NMD3: variants seen among roughly 807,000 people sequenced by gnomAD.
NMD3 encodes the protein NMD3 ribosome export adaptor, also known as 60S ribosomal export protein NMD3.
Under a neutral mutation model 73.1 loss-of-function variants are expected in NMD3, and 47 were observed. That is an observed-to-expected ratio of 0.64 (90% confidence interval 0.51 to 0.82). The LOEUF (loss-of-function observed/expected upper bound fraction) is 0.82, where lower values mean the gene tolerates loss of function less well. Ranked by LOEUF, NMD3 falls within the 40% of genes least tolerant of loss-of-function variation. NMD3 has a pLI of 0.00. For missense variants in NMD3, 554 were observed against 612.5 expected (o/e 0.90, Z 1.01); for synonymous variants, 210 against 194.5 (o/e 1.08, Z -0.66).
intron 2 of NMD3, among the ~76,000 whole-genome samples, chr3:161,223,861 A>T (rs1295584969): frequency 6.6e-6 from 1 of 152,230 alleles, no homozygotes; most frequent in Non-Finnish European, 1.5e-5. Flanking sequence ...AACAAGGGAT[A>T]ATGAATAACA....
intron 4 of NMD3, among the ~76,000 whole-genome samples, chr3:161,233,138 G>A (rs1286249709): frequency 6.7e-6 from 1 of 149,598 alleles, no homozygotes; most frequent in South Asian, 2.1e-4. Context: ...TAAGGGAAAA[G>A]AATTTTTTTC....
chr3:161,252,884 A>G (rs1346364442), downstream of NMD3: 2 of 643,652 alleles, frequency 3.1e-6, no homozygotes, highest in South Asian at 3.4e-5. Context: ...AGATCACTTC[A>G]GGCCAGGAGT....
rs745433033 is a variant in NMD3, at chr3:161,249,497, G to A, written c.1247G>A (p.Arg416His). The change falls in exon 14 of 16, where the codon CGT becomes CAT. Residue 416 changes from arginine (R) to histidine (H), a missense_variant. Transcript: ENST00000351193. ...KSYDRTKRQRRRNWKLKELAR... is the reference protein window; with the variant it reads ...KSYDRTKRQRHRNWKLKELAR... ...TATGACCGGACCAAACGTCAGCGTC[G>A]TAGAAACTGGAAATTGAAAGAGCTT... The A allele has an allele frequency of 2.4e-5, 38 of 1,612,442 alleles. No individual in the cohort carries two copies. Among genetic ancestry groups the A allele is most frequent in the African/African-American group, 6.7e-5 (5 of 74,736 alleles).
chr3:161,222,184 G>A (rs2108070962), intron 2 of NMD3, 127 bp downstream of exon 2: 2 of 754,524 alleles, frequency 2.7e-6, no homozygotes, highest in Non-Finnish European at 4.6e-6. Context: ...GGAAAAAATA[G>A]AAGTCTTATT....
intron 11 of NMD3, among the ~76,000 whole-genome samples, chr3:161,245,986 G>T (rs1463005413): frequency 2.0e-5 from 3 of 152,002 alleles, no homozygotes; most frequent in Admixed American, 2.0e-4. Flanking sequence ...TACCTTTTCA[G>T]TTATTTTGTT....
At chr3:161,224,702 G>C (rs1298093859) in intron 2 of NMD3, among the ~76,000 whole-genome samples, 1 of 151,772 alleles carries the variant, frequency 6.6e-6, no homozygotes. Flanking sequence ...GGCGAGGCTG[G>C]TCTTGAACTC....
At chr3:161,245,831 C>G (rs1438472435) in intron 11 of NMD3, among the ~76,000 whole-genome samples, 1 of 151,916 alleles carries the variant, frequency 6.6e-6, no homozygotes, top group Non-Finnish European at 1.5e-5. Flanking sequence ...CTAGTAGATA[C>G]TTTAAAAATT....
At chr3:161,222,185 A>G in intron 2 of NMD3, 128 bp downstream of exon 2, 1 of 751,896 alleles carries the variant, frequency 1.3e-6, no homozygotes, top group Non-Finnish European at 2.3e-6. Flanking sequence ...GAAAAAATAG[A>G]AGTCTTATTT....
chr3:161,248,776 A>G (rs1392796427), intron 13 of NMD3, among the ~76,000 whole-genome samples: 37 of 152,192 alleles, frequency 2.4e-4, no homozygotes, highest in Admixed American at 2.3e-3. Context: ...CCTGTCTTCT[A>G]TACTTGCTTA....
Position 161,233,486 on chromosome 3 carries a change from A to AGCT in NMD3, c.357+8_357+9insCTG. On this transcript the variant is annotated splice_region_variant and intron_variant, in intron 5 of 15. Transcript: ENST00000351193. ...ACTGACTATTCAGAAAGAGGTAAGC[A>AGCT]GTACATAATTTTCTCAGCATGGTTA... The AGCT allele has an allele frequency of 6.4e-7, 1 of 1,565,676 alleles. No individual in the cohort carries two copies. The highest frequency in any genetic ancestry group is 1.7e-5 in the Admixed American group (1 of 58,204).
chr3:161,233,453 A>G lies in NMD3; in HGVS notation c.331A>G (p.Lys111Glu), dbSNP rs1736620418. Residue 111 changes from lysine (K) to glutamate (E), a missense_variant, in exon 5 of 16, where the codon AAA becomes GAA. Coordinates refer to ENST00000351193, the MANE Select transcript of NMD3 (RefSeq NM_015938.5). The stretch of plus-strand genomic sequence containing the variant: ...GACTGAGCCTCATTCTAAGAGACTT[A>G]AAGTTAAACTGACTATTCAGAAAGA... ...VWTEPHSKRLKVKLTIQKEVM... is the reference protein window; with the variant it reads ...VWTEPHSKRLEVKLTIQKEVM... The G allele has an allele frequency of 1.9e-6, 3 of 1,607,338 alleles. No individual in the cohort carries two copies. Among genetic ancestry groups the G allele is most frequent in the Admixed American group, 3.4e-5 (2 of 59,590 alleles).
intron 11 of NMD3, among the ~76,000 whole-genome samples, chr3:161,244,460 AT>A (rs1737112559): frequency 6.6e-6 from 1 of 152,108 alleles, no homozygotes; most frequent in Non-Finnish European, 1.5e-5. Context: ...TTTAGCAAAT[AT>A]TTTTAGAGTA....
At chr3:161,244,266 A>G (rs551156402) in intron 11 of NMD3, among the ~76,000 whole-genome samples, 105 of 152,184 alleles carry the variant, frequency 6.9e-4, no homozygotes, top group Non-Finnish European at 1.3e-3. Flanking sequence ...AGTAGCTGGG[A>G]CCACAAGTAT....
intron 4 of NMD3, 94 bp downstream of exon 4, chr3:161,227,437 ATTTTT>A (rs55825529): frequency 7.4e-4 from 268 of 360,182 alleles, no homozygotes; most frequent in East Asian, 9.5e-4. Context: ...TTCAAAAGGA[ATTTTT>A]TTTTTTTTTT....
chr3:161,238,841 C>CGA lies in NMD3; in HGVS notation c.753+15_753+16insGA. 1 of 1,199,556 alleles carries CGA rather than the reference C, an allele frequency of 8.3e-7. No homozygotes were observed. The allele number at this position is 1,199,556 out of a possible 1,614,324, so 74.3% of individuals were successfully genotyped here. A position where few individuals can be genotyped will look rare whatever the true frequency, so the allele number is the denominator to read the frequency against. On this transcript the variant is annotated intron_variant, in intron 9 of 15. Transcript: ENST00000351193. ...CAATATGCAAGGTACTTTTCTTTTTCATTTAATCCATATCTGTAAAAGAGT... is the reference window on the plus strand; with the variant it reads ...CAATATGCAAGGTACTTTTCTTTTTCGAATTTAATCCATATCTGTAAAAGAGT...
rs376949511 is a variant in NMD3, at chr3:161,250,906, C to G, written c.1508C>G (p.Thr503Arg). The G allele has an allele frequency of 1.9e-6, 3 of 1,611,102 alleles. No homozygotes were observed. The highest frequency in any genetic ancestry group is 2.5e-6 in the Non-Finnish European group (3 of 1,178,122). Residue 503 changes from threonine to arginine, a missense_variant, in exon 16 of 16, where the codon ACA becomes AGA. Physicochemically the swap from Thr to Arg is moderately conservative, Grantham distance 71. Coordinates refer to ENST00000351193, the MANE Select transcript of NMD3 (RefSeq NM_015938.5). ...GGTGAAGAAGGTGCATCAATGCTGA[C>G]ATAATGAGATGTTGTAGACTGTTTC... is the stretch of plus-strand genomic sequence containing the variant. ...ATGEEGASMLT is the reference protein window; with the variant it reads ...ATGEEGASMLR
At chr3:161,231,492 T>G (rs1207572308) in intron 4 of NMD3, among the ~76,000 whole-genome samples, 2 of 152,146 alleles carry the variant, frequency 1.3e-5, no homozygotes, top group Non-Finnish European at 2.9e-5. Context: ...ATTAATATTG[T>G]TGGAAAGTGT....
chr3:161,227,409 A>G, intron 4 of NMD3, 66 bp downstream of exon 4: 1 of 904,138 alleles, frequency 1.1e-6, no homozygotes, highest in Non-Finnish European at 1.7e-6. Context: ...TTTTCAGAAA[A>G]TTCTTGTGAG....
chr3:161,233,450 CTTAAAG>C lies in NMD3; in HGVS notation c.334_339del (p.Val112_Lys113del), dbSNP rs1329524121. 4 of 1,607,488 alleles carry C rather than the reference CTTAAAG, an allele frequency of 2.5e-6. No individual in the cohort carries two copies. The highest frequency in any genetic ancestry group is 3.4e-6 in the Non-Finnish European group (4 of 1,176,110). The stretch of plus-strand genomic sequence containing the variant: ...TTGGACTGAGCCTCATTCTAAGAGA[CTTAAAG>C]TTAAACTGACTATTCAGAAAGAGGT... On this transcript the variant is annotated inframe_deletion, in exon 5 of 16. Transcript: ENST00000351193.
Sources: gnomAD v4.1 joint callset for allele counts (sites outside exome capture counted in the v4.1 genomes callset) on GRCh38, gnomAD v4.1.1 for gene constraint, MANE v1.5 for transcripts, NCBI Gene and HGNC (gene_info 2026-07-23, HGNC 2026-07-21) for gene names.